Variants in LENG9 observed in about 807,000 individuals in gnomAD.
LENG9 encodes the protein leukocyte receptor cluster member 9, also known as leukocyte receptor cluster (LRC) member 9.
For missense variants in LENG9, 872 were observed against 652.7 expected (o/e 1.34, Z -3.66); for synonymous variants, 410 against 303.9 (o/e 1.35, Z -3.63).
In LENG9 at chr19:54,462,081, C is replaced by G. The variant is rs760529998; in HGVS notation, c.*9G>C. On this transcript the variant is annotated 3_prime_UTR_variant, in exon 1 of 1. Transcript: ENST00000611161. ...TGCATCCATTGTCTCCTCCAGAGGT[C>G]TGGGGGTGTCACTCCAGGGGGATCT... 1 of 1,557,870 alleles carries G rather than the reference C, an allele frequency of 6.4e-7. No homozygotes were observed. The highest frequency in any genetic ancestry group is 8.7e-7 in the Non-Finnish European group (1 of 1,153,338).
At position 54,463,578 on chromosome 19, in the gene LENG9, A is replaced by T. The variant is rs2084673386; in HGVS notation, c.-52T>A. On this transcript the variant is annotated 5_prime_UTR_variant, in exon 1 of 1. Transcript: ENST00000611161. ...GCGCAGACGAGGTCGCCCCGCACGG[A>T]GGGCGGCTCCCCTTGGATGCACCGA... The T allele has an allele frequency of 5.2e-6, 7 of 1,349,936 alleles. No individual in the cohort carries two copies. Among genetic ancestry groups the T allele is most frequent in the Non-Finnish European group, 6.7e-6 (7 of 1,043,180 alleles). The allele number at this position is 1,349,936 out of a possible 1,614,324, so 83.6% of individuals were successfully genotyped here. A position where few individuals can be genotyped will look rare whatever the true frequency, so the allele number is the denominator to read the frequency against.
chr19:54,463,262 A>G lies in LENG9; in HGVS notation c.265T>C (p.Tyr89His). The G allele has an allele frequency of 3.3e-6, 5 of 1,535,698 alleles. No individual in the cohort carries two copies. The highest frequency in any genetic ancestry group is 4.4e-6 in the Non-Finnish European group (5 of 1,146,706). ...CGCACACCCAGAAAGCGGTCGACGT[A>G]GCCCACCGAGAAGTCGGCGGGGTCG... ...RLDPADFSVGYVDRFLGVREE... is the reference protein window; with the variant it reads ...RLDPADFSVGHVDRFLGVREE... Residue 89 changes from tyrosine to histidine, a missense_variant, in exon 1 of 1, where the codon TAC (tyrosine) becomes CAC (histidine). Tyr to His is a moderately conservative substitution (Grantham distance 83). Coordinates refer to ENST00000611161, the MANE Select transcript of LENG9 (RefSeq NM_001301782.2).
At position 54,463,291 on chromosome 19, in the gene LENG9, C is replaced by A. The variant is rs1345633991; in HGVS notation, c.236G>T (p.Arg79Leu). Residue 79 changes from arginine (R) to leucine (L), a missense_variant, in exon 1 of 1, where the codon CGC becomes CTC. Arg to Leu is a moderately radical substitution (Grantham distance 102, BLOSUM62 -2). Coordinates refer to ENST00000611161, the MANE Select transcript of LENG9 (RefSeq NM_001301782.2). ...CACCGAGAAGTCGGCGGGGTCGAGG[C>A]GCGGGTCCCAGCGGATGCGCTGGAT... ...DVIQRIRWDPRLDPADFSVGY... is the reference protein window; with the variant it reads ...DVIQRIRWDPLLDPADFSVGY... 1.3e-6 allele frequency: 2 copies of A among 1,537,378 alleles called. No homozygotes were observed. The highest frequency in any genetic ancestry group is 1.7e-6 in the Non-Finnish European group (2 of 1,147,690).
chr19:54,462,130 C>T lies in LENG9; in HGVS notation c.1397G>A (p.Gly466Glu). 6.3e-7 allele frequency: 1 copy of T among 1,586,402 alleles called. No individual in the cohort carries two copies. The highest frequency in any genetic ancestry group is 8.6e-7 in the Non-Finnish European group (1 of 1,164,732). Residue 466 changes from glycine to glutamate, a missense_variant, in exon 1 of 1, where the codon GGG (glycine) becomes GAG (glutamate). Coordinates refer to ENST00000611161, the MANE Select transcript of LENG9 (RefSeq NM_001301782.2). The stretch of plus-strand genomic sequence containing the variant: ...CTCAGCCAGGGGCTGGAAAGGCCCC[C>T]CTGTCCTCCCTATACGGCACAGCCA... ...TLWLCRIGRT[G>E]GPFQPLAEIP... is the part of the protein sequence containing the mutation.
chr19:54,463,549 C>T lies in LENG9; in HGVS notation c.-23G>A, dbSNP rs2084672228. On this transcript the variant is annotated 5_prime_UTR_variant, in exon 1 of 1. Coordinates refer to ENST00000611161, the MANE Select transcript of LENG9 (RefSeq NM_001301782.2). ...CATGGGTGCGGGGAACTGGCACGCC[C>T]GCCGCGCAGACGAGGTCGCCCCGCA... The T allele has an allele frequency of 7.2e-7, 1 of 1,386,580 alleles. No individual in the cohort carries two copies. Among genetic ancestry groups the T allele is most frequent in the Non-Finnish European group, 9.4e-7 (1 of 1,065,612 alleles). 85.9% of individuals were successfully genotyped at this position (1,386,580 alleles called of 1,614,324 possible). A position where few individuals can be genotyped will look rare whatever the true frequency, so the allele number is the denominator to read the frequency against.
rs1395190518 is a variant in LENG9 at position 54,462,874 on chromosome 19, G to A, written c.653C>T (p.Ala218Val). 2 of 1,612,676 alleles carry A rather than the reference G, an allele frequency of 1.2e-6. No homozygotes were observed. The highest frequency in any genetic ancestry group is 1.7e-6 in the Non-Finnish European group (2 of 1,179,984). ...TCCCAAATCAGCAGCTGTGCCCAGC[G>A]CCCTCTCCTGGGCCGCCTCCAGCTC... The part of the protein sequence containing the change: ...PGELEAAQER[A>V]LGTAADLGTL... The change falls in exon 1 of 1, where the codon GCG (alanine) becomes GTG (valine). Residue 218 changes from alanine (A) to valine (V), a missense_variant. Transcript: ENST00000611161.
chr19:54,463,603 A>C lies in LENG9; in HGVS notation c.-77T>G. 7.7e-7 allele frequency: 1 copy of C among 1,295,094 alleles called. No individual in the cohort carries two copies. Among genetic ancestry groups the C allele is most frequent in the African/African-American group, 1.6e-5 (1 of 64,508 alleles). 80.2% of individuals were successfully genotyped at this position (1,295,094 alleles called of 1,614,324 possible). ...AGGGCGGCTCCCCTTGGATGCACCG[A>C]GCCTCACCCGACAGTGGCGTCAGCG... is the stretch of plus-strand genomic sequence containing the variant. On this transcript the variant is annotated 5_prime_UTR_variant, in exon 1 of 1. Coordinates refer to ENST00000611161, the MANE Select transcript of LENG9 (RefSeq NM_001301782.2).
chr19:54,462,708 C>T lies in LENG9; in HGVS notation c.819G>A (p.Glu273=), dbSNP rs1345699123. 6.2e-7 allele frequency: 1 copy of T among 1,610,856 alleles called. No homozygotes were observed. The highest frequency in any genetic ancestry group is 8.5e-7 in the Non-Finnish European group (1 of 1,180,006). ...CCTCGGGCCAGGCCGCAGGACCCCA[C>T]TCGGCTTCTGTCGTCTCAGCGGAGC... ...PGGSAETTEA[E]WGPAAWPEDK... is the part of the protein sequence containing the mutation. Residue 273 remains glutamate (E), a synonymous_variant, in exon 1 of 1, where the codon GAG becomes GAA. Coordinates refer to ENST00000611161, the MANE Select transcript of LENG9 (RefSeq NM_001301782.2).
chr19:54,462,516 G>A lies in LENG9; in HGVS notation c.1011C>T (p.Asn337=). ...GCAGCAGGGCCAGGGTCAGGTGTAGGTTCTGAGAGGGCACTAGGAAGTTGG... is the reference window on the plus strand; with the variant it reads ...GCAGCAGGGCCAGGGTCAGGTGTAGATTCTGAGAGGGCACTAGGAAGTTGG... ...HCANFLVPSQ[N]LHLTLALLRL... is the part of the protein sequence containing the mutation. The change falls in exon 1 of 1, where the codon AAC becomes AAT. Residue 337 remains asparagine (N), a synonymous_variant. Transcript: ENST00000611161. 1.2e-6 allele frequency: 2 copies of A among 1,613,594 alleles called. No individual in the cohort carries two copies. Among genetic ancestry groups the A allele is most frequent in the African/African-American group, 1.3e-5 (1 of 75,062 alleles).
chr19:54,462,609 G>C lies in LENG9; in HGVS notation c.918C>G (p.Thr306=). 3.7e-6 allele frequency: 6 copies of C among 1,613,786 alleles called. No homozygotes were observed. The highest frequency in any genetic ancestry group is 4.2e-6 in the Non-Finnish European group (5 of 1,180,010). ...TCACTTCTGCTTGTAGCCCAGGCTC[G>C]GTCACCATGAGGGCCACAAAATGTG... ...RPTHFVALMV[T]EPGLQAEVTK... is the part of the protein sequence containing the mutation. The change falls in exon 1 of 1, where the codon ACC becomes ACG. Residue 306 remains threonine, a synonymous_variant. Transcript: ENST00000611161.
Position 54,462,310 on chromosome 19 carries a change from C to T in LENG9, c.1217G>A (p.Arg406Lys), listed in dbSNP as rs1488780098. The part of the protein sequence containing the change: ...LESMAQVLSQ[R>K]LEAEGLSTLQ... ...TGTACTCAGCCCCTCGGCTTCCAGC[C>T]TCTGGCTCAGCACTTGTGCCATGCT... Residue 406 changes from arginine to lysine, a missense_variant, in exon 1 of 1, where the codon AGG (arginine) becomes AAG (lysine). Physicochemically the swap from Arg to Lys is conservative, Grantham distance 26. Coordinates refer to ENST00000611161, the MANE Select transcript of LENG9 (RefSeq NM_001301782.2). The T allele has an allele frequency of 6.2e-7, 1 of 1,603,276 alleles. No homozygotes were observed. Among genetic ancestry groups the T allele is most frequent in the Non-Finnish European group, 8.5e-7 (1 of 1,173,028 alleles).
Position 54,462,772 on chromosome 19 carries a change from A to C in LENG9, c.755T>G (p.Leu252Arg), listed in dbSNP as rs745810336. Residue 252 changes from leucine to arginine, a missense_variant, in exon 1 of 1, where the codon CTG (leucine) becomes CGG (arginine). Coordinates refer to ENST00000611161, the MANE Select transcript of LENG9 (RefSeq NM_001301782.2). ...KPTAATRTTLLGGKEAQALGV... is the reference protein window; with the variant it reads ...KPTAATRTTLRGGKEAQALGV... ...CAGGGCCTGTGCTTCCTTGCCCCCC[A>C]GCAATGTGGTCCTGGTGGCTGCTGT... 30 of 1,610,756 alleles carry C rather than the reference A, an allele frequency of 1.9e-5. No homozygotes were observed. The highest frequency in any genetic ancestry group is 2.4e-5 in the Non-Finnish European group (28 of 1,179,760).
chr19:54,462,365 G>A lies in LENG9; in HGVS notation c.1162C>T (p.Leu388=). 1 of 1,612,060 alleles carries A rather than the reference G, an allele frequency of 6.2e-7. No homozygotes were observed. The highest frequency in any genetic ancestry group is 8.5e-7 in the Non-Finnish European group (1 of 1,178,872). ...RKLVLLGPHV[L]CAPPSPTLES... is the part of the protein sequence containing the mutation. ...AGTGTGGGAGAGGGTGGGGCACACA[G>A]CACATGCGGGCCCAGGAGGACCAGC... The change falls in exon 1 of 1, where the codon CTG becomes TTG. Residue 388 remains leucine (L), a synonymous_variant. Coordinates refer to ENST00000611161, the MANE Select transcript of LENG9 (RefSeq NM_001301782.2).
Position 54,461,967 on chromosome 19 carries a change from C to A in LENG9, c.*123G>T. 1 of 1,114,810 alleles carries A rather than the reference C, an allele frequency of 9.0e-7. No homozygotes were observed. 69.1% of individuals were successfully genotyped at this position (1,114,810 alleles called of 1,614,324 possible). ...TCCTTCCTTTCCTTGGAGCACTGAG[C>A]ACCATTTGGAAGCTTGAGAGAAACC... On this transcript the variant is annotated 3_prime_UTR_variant, in exon 1 of 1. Transcript: ENST00000611161.
In LENG9 at chr19:54,463,379, C is replaced by G. The variant is rs1454040739; in HGVS notation, c.148G>C (p.Gly50Arg). The change falls in exon 1 of 1, where the codon GGC (glycine) becomes CGC (arginine). Residue 50 changes from glycine to arginine, a missense_variant. By Grantham distance (125) the Gly-to-Arg change is moderately radical (BLOSUM62 -2). Transcript: ENST00000611161. ...QPHPGAPAPPGREAQPEAGAK... is the reference protein window; with the variant it reads ...QPHPGAPAPPRREAQPEAGAK... ...CCGGCCTCCGGCTGCGCCTCGCGGC[C>G]AGGCGGCGCCGGCGCCCCAGGGTGG... 7.7e-7 allele frequency: 1 copy of G among 1,298,986 alleles called. No homozygotes were observed. The highest frequency in any genetic ancestry group is 1.6e-5 in the African/African-American group (1 of 64,292). The allele number at this position is 1,298,986 out of a possible 1,614,324, so 80.5% of individuals were successfully genotyped here.
chr19:54,461,818 T>G lies in LENG9; in HGVS notation c.*272A>C. The G allele has an allele frequency of 2.1e-6, 1 of 465,310 alleles. No individual in the cohort carries two copies. The allele number at this position is 465,310 out of a possible 1,614,324, so 28.8% of individuals were successfully genotyped here. A position where few individuals can be genotyped will look rare whatever the true frequency, so the allele number is the denominator to read the frequency against. The stretch of plus-strand genomic sequence containing the variant: ...TTCTTTTTGGCCCTCCCTCCCTCCC[T>G]CTTCTGCCATGTAACTGGAGGATGT... On this transcript the variant is annotated 3_prime_UTR_variant, in exon 1 of 1. Transcript: ENST00000611161.
Position 54,462,087 on chromosome 19 carries a change from G to C in LENG9, c.*3C>G. The C allele has an allele frequency of 1.3e-6, 2 of 1,559,260 alleles. No homozygotes were observed. Among genetic ancestry groups the C allele is most frequent in the Admixed American group, 1.9e-5 (1 of 51,936 alleles). Reference sequence around the variant, plus strand: ...CATTGTCTCCTCCAGAGGTCTGGGGGTGTCACTCCAGGGGGATCTCAGCCA... The same window carrying C: ...CATTGTCTCCTCCAGAGGTCTGGGGCTGTCACTCCAGGGGGATCTCAGCCA... On this transcript the variant is annotated 3_prime_UTR_variant, in exon 1 of 1. Coordinates refer to ENST00000611161, the MANE Select transcript of LENG9 (RefSeq NM_001301782.2).
chr19:54,463,464 C>A lies in LENG9; in HGVS notation c.63G>T (p.Pro21=). The A allele has an allele frequency of 7.8e-7, 1 of 1,285,544 alleles. No homozygotes were observed. Among genetic ancestry groups the A allele is most frequent in the South Asian group, 2.5e-5 (1 of 40,574 alleles). The allele number at this position is 1,285,544 out of a possible 1,614,324, so 79.6% of individuals were successfully genotyped here. A position where few individuals can be genotyped will look rare whatever the true frequency, so the allele number is the denominator to read the frequency against. ...QEAPATEPAP[P]PACRFFLEGR... ...CTTCCAGGAAGAAGCGGCAGGCCGG[C>A]GGGGGCGCGGGTTCCGTGGCGGGGG... Residue 21 remains proline, a synonymous_variant, in exon 1 of 1, where the codon CCG becomes CCT. Coordinates refer to ENST00000611161, the MANE Select transcript of LENG9 (RefSeq NM_001301782.2).
chr19:54,463,277 C>T lies in LENG9; in HGVS notation c.250G>A (p.Asp84Asn), dbSNP rs149393351. 1.9e-6 allele frequency: 3 copies of T among 1,540,584 alleles called. No individual in the cohort carries two copies. Among genetic ancestry groups the T allele is most frequent in the Admixed American group, 3.9e-5 (2 of 51,646 alleles). The change falls in exon 1 of 1, where the codon GAC becomes AAC. Residue 84 changes from aspartate (D) to asparagine (N), a missense_variant. Coordinates refer to ENST00000611161, the MANE Select transcript of LENG9 (RefSeq NM_001301782.2). The part of the protein sequence containing the change: ...IRWDPRLDPA[D>N]FSVGYVDRFL... ...CGGTCGACGTAGCCCACCGAGAAGT[C>T]GGCGGGGTCGAGGCGCGGGTCCCAG...
Sources: allele counts gnomAD v4.1 joint callset, GRCh38; gene constraint gnomAD v4.1.1; transcripts MANE v1.5; gene names NCBI Gene and HGNC (gene_info 2026-07-23, HGNC 2026-07-21).